CSMD3: variants seen among roughly 807,000 people sequenced by gnomAD.
The protein encoded by CSMD3 is CUB and Sushi multiple domains 3.
A neutral mutation model predicts 435.2 loss-of-function variants in CSMD3; 177 were observed. That is an observed-to-expected ratio of 0.41 (90% confidence interval 0.36 to 0.46). CSMD3 has a LOEUF of 0.46. Among genes scored for constraint, CSMD3 ranks in the 20% least tolerant of loss-of-function variants. CSMD3 has a pLI of 0.34. For missense variants in CSMD3, 4,265 were observed against 4,504.6 expected (o/e 0.95, Z 1.52); for synonymous variants, 1,656 against 1,520.5 (o/e 1.09, Z -2.07).
intron 5 of CSMD3, among the ~76,000 whole-genome samples, chr8:113,091,496 G>A (rs922141062): frequency 6.6e-6 from 1 of 151,896 alleles, no homozygotes; most frequent in Non-Finnish European, 1.5e-5. Flanking sequence ...GCTCAGTCTT[G>A]GTAGGTTGTA....
chr8:112,280,887 AATC>A lies in CSMD3; in HGVS notation c.9508+284_9508+286del, dbSNP rs563004280. On this transcript the variant is annotated intron_variant, in intron 59 of 70. Coordinates refer to ENST00000297405, the MANE Select transcript of CSMD3 (RefSeq NM_198123.2). ...ATTTTTAATTTTAATTGCAGCTATA[AATC>A]ATCATTGTTCTTAAAATTCTGTTAA... Among the ~76,000 whole-genome samples, 492 of 152,248 alleles carry A rather than the reference AATC, an allele frequency of 3.2e-3. 3 individuals carry two copies. Among genetic ancestry groups the A allele is most frequent in the African/African-American group, 0.011 (464 of 41,556 alleles).
chr8:112,715,691 C>T (rs771578131), intron 13 of CSMD3, among the ~76,000 whole-genome samples: 2 of 152,196 alleles, frequency 1.3e-5, no homozygotes, highest in Non-Finnish European at 2.9e-5. Flanking sequence ...TACTGACAAA[C>T]TGAATCCAGC....
Position 112,707,106 on chromosome 8 carries a change from T to C in CSMD3, c.1973-17056A>G, listed in dbSNP as rs146402550. Among the ~76,000 whole-genome samples, 1,194 of 152,138 alleles carry C rather than the reference T, an allele frequency of 7.8e-3. 15 individuals are homozygous for C. Among genetic ancestry groups the C allele is most frequent in the African/African-American group, 0.027 (1,137 of 41,524 alleles). ...TATAATAGCAATCAAAGTAAATGGA[T>C]TTTTCTTTTGAAAGAACCTTAACTG... On this transcript the variant is annotated intron_variant, in intron 13 of 70. Transcript: ENST00000297405.
intron 3 of CSMD3, among the ~76,000 whole-genome samples, chr8:113,223,984 T>G (rs1201981603): frequency 6.6e-6 from 1 of 151,048 alleles, no homozygotes; most frequent in Non-Finnish European, 1.5e-5. Flanking sequence ...CATCCACATT[T>G]TTTCTAGCAT....
chr8:113,338,492 T>C (rs1176468563), intron 1 of CSMD3, among the ~76,000 whole-genome samples: 1 of 151,870 alleles, frequency 6.6e-6, no homozygotes, highest in African/African-American at 2.4e-5. Context: ...TATTAACTGA[T>C]GAAGGGATAA....
At chr8:113,389,507 A>T (rs2094452920) in intron 1 of CSMD3, among the ~76,000 whole-genome samples, 1 of 151,744 alleles carries the variant, frequency 6.6e-6, no homozygotes, top group Admixed American at 6.6e-5. Context: ...TATTGACCTA[A>T]GCATTTCTAT....
intron 1 of CSMD3, among the ~76,000 whole-genome samples, chr8:113,411,459 G>T (rs11993856): frequency 0.018 from 2,761 of 152,216 alleles, 96 homozygotes; most frequent in African/African-American, 0.061. Flanking sequence ...AAAGAAAATT[G>T]TATGTTTCTT....
intron 13 of CSMD3, among the ~76,000 whole-genome samples, chr8:112,751,074 T>TA (rs11287730): frequency 1.8e-3 from 273 of 150,222 alleles, no homozygotes; most frequent in Non-Finnish European, 2.6e-3. Flanking sequence ...AGCTTTGTAT[T>TA]AAAAAAAAAA....
At chr8:112,331,285 T>C (rs1204263034) in intron 45 of CSMD3, among the ~76,000 whole-genome samples, 1 of 151,964 alleles carries the variant, frequency 6.6e-6, no homozygotes, top group Non-Finnish European at 1.5e-5. Flanking sequence ...ACAGCAGATA[T>C]GAAGAAAATG....
In CSMD3 at chr8:112,596,245, A is replaced by G. The variant is rs1220611417; in HGVS notation, c.3716-9010T>C. Among the ~76,000 whole-genome samples the G allele has an allele frequency of 5.3e-5, 8 of 152,204 alleles. No homozygotes were observed. In the South Asian group the frequency reaches 1.7e-3, roughly 32 times the overall value. On this transcript the variant is annotated intron_variant, in intron 22 of 70. Coordinates refer to ENST00000297405, the MANE Select transcript of CSMD3 (RefSeq NM_198123.2). ...TCTCTGATAAAACAGACTTTAAACC[A>G]ACAAAGATCAAAAGAGACAAAGAAG...
chr8:112,499,749 T>C (rs924684325), intron 30 of CSMD3, among the ~76,000 whole-genome samples: 1 of 152,184 alleles, frequency 6.6e-6, no homozygotes, highest in African/African-American at 2.4e-5. Flanking sequence ...AATCTGTACA[T>C]ATCAAAATGT....
intron 45 of CSMD3, among the ~76,000 whole-genome samples, chr8:112,328,455 C>T (rs1439622111): frequency 6.6e-6 from 1 of 152,146 alleles, no homozygotes; most frequent in South Asian, 2.1e-4. Context: ...ATCCCTTTTA[C>T]ATCACTAATA....
Position 112,265,537 on chromosome 8 carries a change from C to A in CSMD3, c.9562G>T (p.Asp3188Tyr). ...IPANGLRYGD[D>Y]YVVGQNVSYM... ...GAAACATTTTGTCCAACCACATAAT[C>A]ATCTCCATATCTCAGTCCATTGGCT... Residue 3188 changes from aspartate to tyrosine, a missense_variant, in exon 60 of 71, where the codon GAT becomes TAT. Around this residue, in one of 3 missense-constraint regions of CSMD3, gnomAD observed 3,255 missense variants for 3,380.2 expected, o/e 0.96. Coordinates refer to ENST00000297405, the MANE Select transcript of CSMD3 (RefSeq NM_198123.2). 6.2e-7 allele frequency: 1 copy of A among 1,613,642 alleles called. No homozygotes were observed.
At chr8:113,002,406 T>C (rs538217233) in intron 6 of CSMD3, among the ~76,000 whole-genome samples, 7 of 152,118 alleles carry the variant, frequency 4.6e-5, no homozygotes, top group Non-Finnish European at 1.0e-4. Context: ...TTCAAAAAAA[T>C]GTCTTTAGTA....
At chr8:112,289,664 A>G in intron 56 of CSMD3, 126 bp from the exon 57 acceptor site, 1 of 636,246 alleles carries the variant, frequency 1.6e-6, no homozygotes, top group Non-Finnish European at 2.6e-6. Context: ...TCCAGAAATC[A>G]AACATCTATG....
At chr8:113,206,789 A>G (rs538739267) in intron 3 of CSMD3, among the ~76,000 whole-genome samples, 1 of 152,158 alleles carries the variant, frequency 6.6e-6, no homozygotes, top group African/African-American at 2.4e-5. Context: ...AATGTATTCA[A>G]TTATTTCTCT....
chr8:112,708,888 G>A lies in CSMD3; in HGVS notation c.1973-18838C>T, dbSNP rs76765682. ...AGCCAAATGTGCTGCTCACACTAAC[G>A]TGGTAGCTAGCTTATCTTCAGCTTC... On this transcript the variant is annotated intron_variant, in intron 13 of 70. Coordinates refer to ENST00000297405, the MANE Select transcript of CSMD3 (RefSeq NM_198123.2). Among the ~76,000 whole-genome samples, 316 of 152,056 alleles carry A rather than the reference G, an allele frequency of 2.1e-3. 1 individual carries two copies. Among genetic ancestry groups the A allele is most frequent in the African/African-American group, 7.3e-3 (304 of 41,506 alleles).
intron 27 of CSMD3, among the ~76,000 whole-genome samples, chr8:112,539,916 A>G (rs1000882138): frequency 6.6e-6 from 1 of 152,090 alleles, no homozygotes; most frequent in Non-Finnish European, 1.5e-5. Flanking sequence ...TATCAAACTA[A>G]ACAGCTTCTG....
In CSMD3 at chr8:112,608,680, C is replaced by T. The variant is rs528374942; in HGVS notation, c.3716-21445G>A. On this transcript the variant is annotated intron_variant, in intron 22 of 70. Transcript: ENST00000297405. ...GTGTATATATATTTATAATAGAAAA[C>T]CTCAAAATAAACCCAGGTATATATG... is the stretch of plus-strand genomic sequence containing the variant. Among the ~76,000 whole-genome samples the T allele has an allele frequency of 1.5e-3, 220 of 151,204 alleles. 1 individual carries two copies. Among genetic ancestry groups the T allele is most frequent in the African/African-American group, 4.0e-3 (165 of 41,212 alleles).
Sources: gnomAD v4.1 joint callset for allele counts (sites outside exome capture counted in the v4.1 genomes callset) on GRCh38, gnomAD v4.1.1 for gene constraint, gnomAD v4.1.1 regional missense constraint, MANE v1.5 for transcripts, NCBI Gene and HGNC (gene_info 2026-07-23, HGNC 2026-07-21) for gene names.